The following KCNQ5 variants were observed in gnomAD, a reference collection of about 807,000 sequenced individuals.
The protein encoded by KCNQ5 is potassium voltage-gated channel subfamily Q member 5, also known as potassium voltage-gated channel subfamily KQT member 5.
KCNQ5 carries 30 observed loss-of-function variants against 98.2 expected under a neutral mutation model. The ratio of observed to expected loss-of-function variants is 0.31; its 90% CI spans 0.23 to 0.41. KCNQ5 has a LOEUF of 0.41. Ranked by LOEUF, KCNQ5 falls within the 10% of genes least tolerant of loss-of-function variation. KCNQ5 has a pLI of 1.00. For synonymous variants in KCNQ5, 458 were observed against 449.4 expected, an observed-to-expected ratio of 1.02 and a Z score of -0.24; for missense variants, 835 against 1,182.5, an observed-to-expected ratio of 0.71 and a Z score of 4.31.
intron 1 of KCNQ5, among the ~76,000 whole-genome samples, chr6:72,829,367 C>T (rs574069719): frequency 1.3e-5 from 2 of 152,272 alleles, no homozygotes; most frequent in South Asian, 2.1e-4. Flanking sequence ...TTTTTGTTCA[C>T]ACCTTATAAA....
intron 1 of KCNQ5, among the ~76,000 whole-genome samples, chr6:72,898,713 T>A (rs1251600824): frequency 1.3e-5 from 2 of 152,216 alleles, no homozygotes; most frequent in Non-Finnish European, 2.9e-5. Flanking sequence ...CTGGGTCAAA[T>A]GTTATTTCTG....
chr6:73,010,159 T>C (rs909118957), intron 2 of KCNQ5, among the ~76,000 whole-genome samples: 3 of 152,078 alleles, frequency 2.0e-5, no homozygotes, highest in African/African-American at 7.2e-5. Context: ...TACACCTTGG[T>C]CAAAGGGGAT....
intron 1 of KCNQ5, among the ~76,000 whole-genome samples, chr6:72,687,062 T>C (rs1767995787): frequency 6.6e-6 from 1 of 152,350 alleles, no homozygotes; most frequent in Middle Eastern, 3.4e-3. Flanking sequence ...ATCAGTTAAT[T>C]GTGTAACTCT....
At chr6:72,939,558 C>A (rs1479480695) in intron 1 of KCNQ5, among the ~76,000 whole-genome samples, 1 of 152,200 alleles carries the variant, frequency 6.6e-6, no homozygotes, top group Non-Finnish European at 1.5e-5. Flanking sequence ...CACTAAGCAC[C>A]TGCCTCCCTG....
chr6:72,738,154 CA>C (rs35866498), intron 1 of KCNQ5, among the ~76,000 whole-genome samples: 56,229 of 148,738 alleles, frequency 0.38, 13,877 homozygotes, highest in African/African-American at 0.68. Context: ...GACTCCATTT[CA>C]AAAAAAAAAA....
intron 2 of KCNQ5, among the ~76,000 whole-genome samples, chr6:73,037,486 T>C (rs1771490689): frequency 6.6e-6 from 1 of 152,218 alleles, no homozygotes. Flanking sequence ...AAAAGTTTTA[T>C]TATTTTATGT....
intron 1 of KCNQ5, among the ~76,000 whole-genome samples, chr6:72,729,940 C>T (rs1342447449): frequency 6.6e-6 from 1 of 152,130 alleles, no homozygotes; most frequent in Non-Finnish European, 1.5e-5. Flanking sequence ...GTGGGAGGAA[C>T]CTTTGAGGCC....
chr6:73,048,299 C>T (rs1261221112), intron 3 of KCNQ5, among the ~76,000 whole-genome samples: 1 of 152,082 alleles, frequency 6.6e-6, no homozygotes, highest in Non-Finnish European at 1.5e-5. Flanking sequence ...ACAGATCTTT[C>T]CAGGCCAGGG....
intron 10 of KCNQ5, among the ~76,000 whole-genome samples, chr6:73,142,037 G>T (rs1319636223): frequency 6.6e-6 from 1 of 152,198 alleles, no homozygotes; most frequent in African/African-American, 2.4e-5. Context: ...GCATTTGCTA[G>T]CAGGCCTTTT....
intron 1 of KCNQ5, among the ~76,000 whole-genome samples, chr6:72,668,463 C>G (rs910635552): frequency 9.3e-5 from 14 of 151,042 alleles, no homozygotes; most frequent in African/African-American, 1.2e-4. Flanking sequence ...TGTTGGGACT[C>G]TGTGTGTGTG....
At chr6:72,766,775 A>G (rs971882617) in intron 1 of KCNQ5, among the ~76,000 whole-genome samples, 2 of 151,920 alleles carry the variant, frequency 1.3e-5, no homozygotes, top group Non-Finnish European at 2.9e-5. Flanking sequence ...AAGGTTGGGG[A>G]TCAAATGTTT....
At chr6:73,065,158 T>C (rs1366552311) in intron 3 of KCNQ5, among the ~76,000 whole-genome samples, 1 of 152,036 alleles carries the variant, frequency 6.6e-6, no homozygotes, top group Non-Finnish European at 1.5e-5. Context: ...AAAATTAACA[T>C]GGCCATAACG....
intron 1 of KCNQ5, among the ~76,000 whole-genome samples, chr6:72,719,956 C>T (rs1031837873): frequency 2.6e-5 from 4 of 152,208 alleles, no homozygotes; most frequent in Non-Finnish European, 5.9e-5. Context: ...TCCCTTCATC[C>T]TCATCCTTTC....
At chr6:72,759,501 A>G (rs1772141194) in intron 1 of KCNQ5, among the ~76,000 whole-genome samples, 1 of 152,112 alleles carries the variant, frequency 6.6e-6, no homozygotes, top group South Asian at 2.1e-4. Flanking sequence ...ATGCTGTGGC[A>G]TGTTTTGGAA....
chr6:73,152,704 G>T (rs959320299), intron 10 of KCNQ5, among the ~76,000 whole-genome samples: 1 of 152,150 alleles, frequency 6.6e-6, no homozygotes, highest in Non-Finnish European at 1.5e-5. Context: ...TGGAGTTTCT[G>T]AGTGTATTAG....
intron 1 of KCNQ5, among the ~76,000 whole-genome samples, chr6:72,882,874 C>G (rs6930157): frequency 6.6e-6 from 1 of 151,904 alleles, no homozygotes; most frequent in Admixed American, 6.6e-5. Context: ...AGAGTGTACG[C>G]GTGCATCATC....
intron 1 of KCNQ5, among the ~76,000 whole-genome samples, chr6:72,811,289 A>T (rs1246841212): frequency 6.6e-6 from 1 of 152,168 alleles, no homozygotes; most frequent in Non-Finnish European, 1.5e-5. Flanking sequence ...GAGAGATTTT[A>T]TTCTTTCTAC....
intron 1 of KCNQ5, among the ~76,000 whole-genome samples, chr6:72,635,367 T>G (rs2098923434): frequency 6.6e-6 from 1 of 152,134 alleles, no homozygotes; most frequent in African/African-American, 2.4e-5. Flanking sequence ...CCTATAAACA[T>G]TAAATTCCCA....
intron 1 of KCNQ5, among the ~76,000 whole-genome samples, chr6:72,652,009 G>C (rs1447163498): frequency 1.3e-5 from 2 of 151,914 alleles, no homozygotes; most frequent in Non-Finnish European, 2.9e-5. Context: ...AGGGTAAGAA[G>C]CGGCTTTTAT....
Sources: gnomAD v4.1 joint callset for allele counts (sites outside exome capture counted in the v4.1 genomes callset) on GRCh38, gnomAD v4.1.1 for gene constraint, MANE v1.5 for transcripts, NCBI Gene and HGNC (gene_info 2026-07-23, HGNC 2026-07-21) for gene names.